The following ADNP variants were observed in gnomAD, a reference collection of about 807,000 sequenced individuals.
ADNP encodes the protein activity-dependent neuroprotector homeobox protein.
Under a neutral mutation model 84.9 loss-of-function variants are expected in ADNP, and 4 were observed. That is an observed-to-expected ratio of 0.05 (90% CI 0.02 to 0.11). The LOEUF is 0.11. Among genes scored for constraint, ADNP ranks in the 10% least tolerant of loss-of-function variants. The pLI is 1.00. For synonymous variants in ADNP, 554 were observed against 468.1 expected, an observed-to-expected ratio of 1.18 and a Z score of -2.37; for missense variants, 1,132 against 1,326.0, an observed-to-expected ratio of 0.85 and a Z score of 2.27.
Position 50,902,067 on chromosome 20 carries a change from T to C in ADNP, c.151A>G (p.Thr51Ala). The change falls in exon 5 of 6, where the codon ACT becomes GCT. Residue 51 changes from threonine to alanine, a missense_variant. This residue lies in a region of ADNP where 56 missense variants were observed against 94.6 expected (regional missense o/e 0.59). Coordinates refer to ENST00000621696, the MANE Select transcript of ADNP (RefSeq NM_001282531.3). ...CACAGTCCTACATCCTCCCATGTAG[T>C]GTTTTTCAAATAAAAGTCATTAGGT... is the stretch of plus-strand genomic sequence containing the variant. Reference protein sequence around the residue: ...FEPNDFYLKNTTWEDVGLWDP... With the variant: ...FEPNDFYLKNATWEDVGLWDP... 6.2e-7 allele frequency: 1 copy of C among 1,613,938 alleles called. No homozygotes were observed. The highest frequency in any genetic ancestry group is 8.5e-7 in the Non-Finnish European group (1 of 1,179,844).
intron 2 of ADNP, among the ~76,000 whole-genome samples, chr20:50,913,251 A>C (rs960727304): frequency 9.8e-5 from 3 of 30,522 alleles, no homozygotes; most frequent in African/African-American, 5.0e-4. Context: ...ACTCTGTCTC[A>C]AAAAAAAAAA....
chr20:50,929,823 A>G (rs1430340501), intron 1 of ADNP, among the ~76,000 whole-genome samples: 1 of 152,086 alleles, frequency 6.6e-6, no homozygotes, highest in Non-Finnish European at 1.5e-5. Context: ...AAACACAGAA[A>G]CAGTTTGGTT....
intron 2 of ADNP, among the ~76,000 whole-genome samples, chr20:50,915,662 T>C (rs528806016): frequency 6.6e-6 from 1 of 152,250 alleles, no homozygotes; most frequent in South Asian, 2.1e-4. Context: ...ATTCTGACTA[T>C]CCAGGGGCAG....
chr20:50,922,243 G>C (rs1984002715), intron 2 of ADNP, among the ~76,000 whole-genome samples: 1 of 151,948 alleles, frequency 6.6e-6, no homozygotes, highest in Non-Finnish European at 1.5e-5. Context: ...ATTTGGTTCT[G>C]ACACTGTCTA....
At chr20:50,904,937 GACTCGACCAATGCATGCCCCC>G (rs1982326910) in intron 2 of ADNP, 88 bp from the exon 3 acceptor site, 2 of 152,042 alleles carry the variant, frequency 1.3e-5, no homozygotes, top group Non-Finnish European at 2.9e-5. Flanking sequence ...AATGATATGT[GACTCGACCAATGCATGCCCCC>G]ACTCCACCCC....
intron 2 of ADNP, among the ~76,000 whole-genome samples, chr20:50,924,803 C>T (rs148447066): frequency 6.6e-6 from 1 of 152,274 alleles, no homozygotes; most frequent in African/African-American, 2.4e-5. Flanking sequence ...TTAGGATATG[C>T]AGATTCATTT....
Position 50,891,089 on chromosome 20 carries a change from C to CCAAT in ADNP, c.*312_*315dup. On this transcript the variant is annotated 3_prime_UTR_variant, in exon 6 of 6. Coordinates refer to ENST00000621696, the MANE Select transcript of ADNP (RefSeq NM_001282531.3). ...TTTAACACTTCTCAAAGACATCTGA[C>CCAAT]CAATCATTTCACAGAGGGAAAGAAA... 8.8e-7 allele frequency: 1 copy of CCAAT among 1,136,536 alleles called. No homozygotes were observed. Among genetic ancestry groups the CCAAT allele is most frequent in the South Asian group, 3.5e-5 (1 of 28,890 alleles). The allele number at this position is 1,136,536 out of a possible 1,614,324, so 70.4% of individuals were successfully genotyped here. A position where few individuals can be genotyped will look rare whatever the true frequency, so the allele number is the denominator to read the frequency against.
intron 5 of ADNP, among the ~76,000 whole-genome samples, chr20:50,897,756 G>A (rs1174334895): frequency 6.6e-6 from 1 of 152,106 alleles, no homozygotes; most frequent in Non-Finnish European, 1.5e-5. Context: ...TTTGATACTG[G>A]GATGAAAAAC....
Position 50,891,674 on chromosome 20 carries a change from T to G in ADNP, c.3040A>C (p.Lys1014Gln), listed in dbSNP as rs2122736153. The change falls in exon 6 of 6, where the codon AAA (lysine) becomes CAA (glutamine). Residue 1014 changes from lysine (K) to glutamine (Q), a missense_variant. Physicochemically the swap from Lys to Gln is moderately conservative, Grantham distance 53 (BLOSUM62 1). Around this residue, in one of 10 missense-constraint regions of ADNP, gnomAD observed 381 missense variants for 319.9 expected, o/e 1.19. Transcript: ENST00000621696. ...EDARSSKPAA[K>Q]KKATMQGDRE... The stretch of plus-strand genomic sequence containing the variant: ...TCACCTTGCATGGTAGCCTTTTTTT[T>G]GGCAGCTGGCTTACTGCTCCTTGCA... The G allele has an allele frequency of 6.2e-7, 1 of 1,614,226 alleles. No individual in the cohort carries two copies. Among genetic ancestry groups the G allele is most frequent in the Non-Finnish European group, 8.5e-7 (1 of 1,180,030 alleles).
At chr20:50,908,804 AT>A (rs1198673520) in intron 2 of ADNP, among the ~76,000 whole-genome samples, 13 of 151,882 alleles carry the variant, frequency 8.6e-5, no homozygotes, top group African/African-American at 3.1e-4. Flanking sequence ...TATCTATTTG[AT>A]TCTCCTTTAT....
In ADNP at chr20:50,894,381, G is replaced by A; in HGVS notation, c.333C>T (p.Tyr111=). ...FENRILLNCP[Y]CTFNADKKTL... is the part of the protein sequence containing the mutation. ...TCTTTTTGTCTGCATTGAAGGTACA[G>A]TAGGGGCAATTAAGGAGAATCCTAT... Residue 111 remains tyrosine, a synonymous_variant, in exon 6 of 6, where the codon TAC becomes TAT. Coordinates refer to ENST00000621696, the MANE Select transcript of ADNP (RefSeq NM_001282531.3). 6.2e-7 allele frequency: 1 copy of A among 1,614,170 alleles called. No homozygotes were observed. The highest frequency in any genetic ancestry group is 8.5e-7 in the Non-Finnish European group (1 of 1,180,026).
intron 2 of ADNP, chr20:50,914,366 G>C (rs1252327115): frequency 3.2e-6 from 2 of 632,522 alleles, no homozygotes; most frequent in Non-Finnish European, 5.8e-6. Flanking sequence ...AAGGTGCCCT[G>C]GGTTTAGTAC....
rs764381756 is a variant in ADNP at position 50,892,086 on chromosome 20, T to C, written c.2628A>G (p.Ser876=). 6.8e-6 allele frequency: 11 copies of C among 1,614,066 alleles called. No homozygotes were observed. Among genetic ancestry groups the C allele is most frequent in the Admixed American group, 6.7e-5 (4 of 60,000 alleles). Residue 876 remains serine, a synonymous_variant, in exon 6 of 6, where the codon TCA becomes TCG. Coordinates refer to ENST00000621696, the MANE Select transcript of ADNP (RefSeq NM_001282531.3). ...LNLGKEDDSS[S]DSFENLEEES... is the part of the protein sequence containing the mutation. Reference sequence around the variant, plus strand: ...CTTCTTCCAAATTTTCAAAACTGTCTGAGGAACTGTCATCTTCCTTCCCAA... The same window carrying C: ...CTTCTTCCAAATTTTCAAAACTGTCCGAGGAACTGTCATCTTCCTTCCCAA...
At position 50,892,019 on chromosome 20, in the gene ADNP, C is replaced by CTT; in HGVS notation, c.2693_2694dup (p.Val899LysfsTer16). 6.2e-7 allele frequency: 1 copy of CTT among 1,614,176 alleles called. No homozygotes were observed. Among genetic ancestry groups the CTT allele is most frequent in the Non-Finnish European group, 8.5e-7 (1 of 1,180,036 alleles). On this transcript the variant is annotated frameshift_variant, in exon 6 of 6. Transcript: ENST00000621696. LOFTEE classifies it high-confidence loss of function. ...TTATCGTTAGAGATTTTAGGTTCAACTTCAAAAACAGGGTCAAAAGGGCTA... is the reference window on the plus strand; with the variant it reads ...TTATCGTTAGAGATTTTAGGTTCAACTTTTCAAAAACAGGGTCAAAAGGGCTA...
chr20:50,913,374 A>T (rs1403103661), intron 2 of ADNP, among the ~76,000 whole-genome samples: 1 of 151,850 alleles, frequency 6.6e-6, no homozygotes, highest in East Asian at 1.9e-4. Context: ...GATAACATCA[A>T]CCCAAGTTAC....
chr20:50,898,768 A>G (rs1013203747), intron 5 of ADNP, among the ~76,000 whole-genome samples: 2 of 152,256 alleles, frequency 1.3e-5, no homozygotes, highest in African/African-American at 4.8e-5. Context: ...CAAGAGACAC[A>G]GTGAACACAA....
chr20:50,898,112 C>T (rs76762254), intron 5 of ADNP, among the ~76,000 whole-genome samples: 5 of 152,318 alleles, frequency 3.3e-5, no homozygotes, highest in Non-Finnish European at 7.3e-5. Context: ...TCCTTTCAGG[C>T]ATCTGTTTCC....
chr20:50,927,046 TA>T (rs1387465691), intron 2 of ADNP, among the ~76,000 whole-genome samples: 1 of 152,188 alleles, frequency 6.6e-6, no homozygotes, highest in Non-Finnish European at 1.5e-5. Context: ...CCTATACTTT[TA>T]ATAATCAAAT....
At chr20:50,896,947 T>C (rs1312182549) in intron 5 of ADNP, among the ~76,000 whole-genome samples, 1 of 152,202 alleles carries the variant, frequency 6.6e-6, no homozygotes, top group African/African-American at 2.4e-5. Context: ...AACTTTTTTG[T>C]TGTTGTTTGA....
Sources: gnomAD v4.1 joint callset for allele counts (sites outside exome capture counted in the v4.1 genomes callset) on GRCh38, gnomAD v4.1.1 for gene constraint, gnomAD v4.1.1 regional missense constraint, MANE v1.5 for transcripts, NCBI Gene and HGNC (gene_info 2026-07-23, HGNC 2026-07-21) for gene names.